The following SLC37A3 variants were observed in gnomAD, a reference collection of about 807,000 sequenced individuals.
SLC37A3 encodes the protein sugar phosphate exchanger 3.
SLC37A3 carries 51 observed loss-of-function variants against 67.1 expected under a neutral mutation model. That is an observed-to-expected ratio of 0.76 (90% CI 0.61 to 0.96). The LOEUF (loss-of-function observed/expected upper bound fraction) is 0.96. SLC37A3 is among the 40% of genes least tolerant of loss of function. The probability of loss-of-function intolerance (pLI) is 0.00; values close to 1 mark genes in which losing one functional copy is unlikely to be tolerated. For missense variants in SLC37A3, 508 were observed against 603.0 expected, an observed-to-expected ratio of 0.84 and a Z score of 1.65; for synonymous variants, 214 against 231.4, an observed-to-expected ratio of 0.92 and a Z score of 0.68.
chr7:140,388,432 C>CA (rs898486715), intron 1 of SLC37A3, among the ~76,000 whole-genome samples: 8 of 142,384 alleles, frequency 5.6e-5, no homozygotes, highest in Middle Eastern at 3.6e-3. Flanking sequence ...GACCCTGTAC[C>CA]AAAAAAAAGA....
Position 140,343,305 on chromosome 7 carries a change from G to A in SLC37A3, c.1326+107C>T, listed in dbSNP as rs1480084454. On this transcript the variant is annotated intron_variant, in intron 13 of 14. Transcript: ENST00000326232. ...GAAGTCCTTGGGCTCTGGGAACAGC[G>A]TTCTACAGCACAAGAGTGCCACCTA... The A allele has an allele frequency of 9.3e-6, 14 of 1,499,422 alleles. No homozygotes were observed. The Admixed American group carries it at 1.2e-4, about 12-fold the overall frequency. The allele number at this position is 1,499,422 out of a possible 1,614,324, so 92.9% of individuals were successfully genotyped here.
intron 9 of SLC37A3, among the ~76,000 whole-genome samples, chr7:140,350,805 C>G (rs1796762512): frequency 6.6e-6 from 1 of 152,090 alleles, no homozygotes; most frequent in African/African-American, 2.4e-5. Flanking sequence ...GGGGGCAAGG[C>G]AGACTTAGGA....
intron 1 of SLC37A3, among the ~76,000 whole-genome samples, chr7:140,396,515 C>T (rs1798932495): frequency 6.6e-6 from 1 of 152,134 alleles, no homozygotes; most frequent in Non-Finnish European, 1.5e-5. Context: ...GTTTCCAAAA[C>T]CACATTCTTC....
At chr7:140,384,724 C>T (rs75396616) in intron 1 of SLC37A3, among the ~76,000 whole-genome samples, 1,681 of 151,914 alleles carry the variant, frequency 0.011, 24 homozygotes, top group African/African-American at 0.034. Context: ...GCCTGCCCCC[C>T]GCCGCACCAA....
chr7:140,353,001 A>G (rs12703777), intron 7 of SLC37A3, among the ~76,000 whole-genome samples: 63,187 of 151,828 alleles, frequency 0.42, 13,454 homozygotes, highest in Non-Finnish European at 0.46. Flanking sequence ...GTGTGAGGCT[A>G]AGAAGCCTAG....
At chr7:140,356,195 C>CA (rs60174653) in intron 6 of SLC37A3, among the ~76,000 whole-genome samples, 4,062 of 135,000 alleles carry the variant, frequency 0.03, 160 homozygotes, top group African/African-American at 0.093. Flanking sequence ...CTCCACCTCC[C>CA]AAAAAAAAAA....
chr7:140,345,041 T>C (rs188454858), intron 12 of SLC37A3, among the ~76,000 whole-genome samples, 175 bp downstream of exon 12: 1 of 152,334 alleles, frequency 6.6e-6, no homozygotes, highest in Non-Finnish European at 1.5e-5. Flanking sequence ...GAGGAGGTCA[T>C]GTAAGAAACA....
At chr7:140,359,760 T>C (rs1797189921) in intron 5 of SLC37A3, among the ~76,000 whole-genome samples, 2 of 152,170 alleles carry the variant, frequency 1.3e-5, no homozygotes, top group Admixed American at 1.3e-4. Flanking sequence ...CTGGAATAAG[T>C]AAAACTGTAC....
chr7:140,346,145 T>A (rs1796550636), intron 10 of SLC37A3, among the ~76,000 whole-genome samples, 175 bp from the exon 11 acceptor site: 1 of 152,098 alleles, frequency 6.6e-6, no homozygotes, highest in African/African-American at 2.4e-5. Context: ...TTTGGGAGGC[T>A]GAGGCAGGTG....
At chr7:140,395,644 G>T (rs562052530) in intron 1 of SLC37A3, among the ~76,000 whole-genome samples, 4 of 151,982 alleles carry the variant, frequency 2.6e-5, no homozygotes, top group Non-Finnish European at 4.4e-5. Context: ...GGAGGCGGAG[G>T]TTGCAGTGAA....
chr7:140,355,818 G>C, intron 6 of SLC37A3, 54 bp from the exon 7 acceptor site: 1 of 1,498,940 alleles, frequency 6.7e-7, no homozygotes, highest in Non-Finnish European at 9.3e-7. Flanking sequence ...AGATACTCTG[G>C]GCAGTTCAAA....
chr7:140,386,034 T>G (rs578136571), intron 1 of SLC37A3, among the ~76,000 whole-genome samples: 1 of 152,166 alleles, frequency 6.6e-6, no homozygotes, highest in East Asian at 1.9e-4. Context: ...CCACCCACCT[T>G]GGCCTCCCAA....
At chr7:140,357,615 C>T (rs1352324827) in intron 6 of SLC37A3, among the ~76,000 whole-genome samples, 2 of 151,174 alleles carry the variant, frequency 1.3e-5, no homozygotes, top group Admixed American at 1.3e-4. Context: ...CTGTATGATT[C>T]CATTTATATA....
At chr7:140,361,441 C>T (rs1797269574) in intron 5 of SLC37A3, among the ~76,000 whole-genome samples, 3 of 149,006 alleles carry the variant, frequency 2.0e-5, no homozygotes, top group Non-Finnish European at 4.5e-5. Context: ...AAGATTGTGC[C>T]ATTCCACTCC....
At chr7:140,376,008 A>G (rs917092110) in intron 3 of SLC37A3, among the ~76,000 whole-genome samples, 1 of 152,222 alleles carries the variant, frequency 6.6e-6, no homozygotes, top group Non-Finnish European at 1.5e-5. Flanking sequence ...TGCTGGGTAC[A>G]TGCACCAGTG....
chr7:140,372,754 T>C (rs76520988), intron 3 of SLC37A3, among the ~76,000 whole-genome samples: 1,670 of 151,596 alleles, frequency 0.011, 106 homozygotes, highest in Admixed American at 0.097. Flanking sequence ...TCCCAGCTAC[T>C]CAGGAAGCTG....
chr7:140,357,564 GA>G (rs146188700), intron 6 of SLC37A3, among the ~76,000 whole-genome samples: 16,276 of 118,482 alleles, frequency 0.14, 987 homozygotes, highest in South Asian at 0.26. Context: ...TTCTCTACAG[GA>G]AAAAAAAAAA....
intron 3 of SLC37A3, among the ~76,000 whole-genome samples, chr7:140,372,070 T>G (rs1192434204): frequency 6.6e-6 from 1 of 152,136 alleles, no homozygotes; most frequent in Non-Finnish European, 1.5e-5. Context: ...CAGGCTGGTC[T>G]CAAACTCCTG....
At chr7:140,358,493 A>G in intron 6 of SLC37A3, 147 bp downstream of exon 6, 1 of 1,108,240 alleles carries the variant, frequency 9.0e-7, no homozygotes, top group Non-Finnish European at 1.3e-6. Context: ...ACTGACGTGA[A>G]ACCCTCTCTC....
Sources: allele counts gnomAD v4.1 joint callset (sites outside exome capture counted in the v4.1 genomes callset), GRCh38; gene constraint gnomAD v4.1.1; transcripts MANE v1.5; gene names NCBI Gene and HGNC (gene_info 2026-07-23, HGNC 2026-07-21).